CRHR1: variants seen among roughly 807,000 people sequenced by gnomAD.
CRHR1 encodes corticotropin-releasing hormone receptor 1.
CRHR1 carries 28 observed loss-of-function variants against 56.0 expected under a neutral mutation model. The observed-to-expected ratio is 0.50, with a 90% confidence interval of 0.37 to 0.69. CRHR1 has a LOEUF of 0.69. Ranked by LOEUF, CRHR1 falls within the 30% of genes least tolerant of loss-of-function variation. The pLI is 0.00. For missense variants in CRHR1, 376 were observed against 548.0 expected (o/e 0.69, Z 3.13); for synonymous variants, 195 against 216.5 (o/e 0.90, Z 0.87).
rs1252219531 is a variant in CRHR1 at position 45,833,787 on chromosome 17, G to A, written c.1003G>A (p.Gly335Arg). The change falls in exon 11 of 13, where the codon GGG becomes AGG. Residue 335 changes from glycine to arginine, a missense_variant. Gly to Arg is a moderately radical substitution (Grantham distance 125). Transcript: ENST00000314537. ...CTACATGCTGTTCTTCGTCAATCCC[G>A]GGGAGGATGAGGTCTCCCGGGTCGT... ...ITYMLFFVNP[G>R]EDEVSRVVFI... The A allele has an allele frequency of 9.4e-6, 15 of 1,598,434 alleles. No homozygotes were observed. Among genetic ancestry groups the A allele is most frequent in the East Asian group, 4.6e-5 (2 of 43,662 alleles).
intron 2 of CRHR1, among the ~76,000 whole-genome samples, chr17:45,810,576 C>T (rs772846422): frequency 2.6e-5 from 4 of 152,098 alleles, no homozygotes; most frequent in Admixed American, 6.5e-5. Flanking sequence ...GCCCAGGGCC[C>T]GGTGTAGTCA....
intron 1 of CRHR1, among the ~76,000 whole-genome samples, chr17:45,791,307 C>T (rs1435448510): frequency 6.6e-6 from 1 of 152,146 alleles, no homozygotes. Context: ...AGTCCAGGGC[C>T]ATCTGAGGCA....
intron 4 of CRHR1, chr17:45,827,857 A>T (rs1598442161): frequency 6.6e-6 from 1 of 152,290 alleles, no homozygotes; most frequent in African/African-American, 2.4e-5. Context: ...GGGTTCTGTA[A>T]TTCCAACAGG....
chr17:45,822,427 A>G (rs2062061729), intron 4 of CRHR1, among the ~76,000 whole-genome samples: 1 of 152,228 alleles, frequency 6.6e-6, no homozygotes, highest in Admixed American at 6.5e-5. Flanking sequence ...GTGCTGAGGA[A>G]GACGGGGGTC....
At chr17:45,833,379 T>G in intron 9 of CRHR1, 73 bp from the exon 10 acceptor site, 1 of 1,534,524 alleles carries the variant, frequency 6.5e-7, no homozygotes, top group Non-Finnish European at 9.0e-7. Context: ...GCAGGGGCAC[T>G]GAGGCCAGAG....
intron 1 of CRHR1, among the ~76,000 whole-genome samples, chr17:45,802,663 C>T (rs926980237): frequency 3.9e-5 from 6 of 152,174 alleles, no homozygotes; most frequent in African/African-American, 1.2e-4. Flanking sequence ...TTTTAAGAAG[C>T]ATTTTTCTTT....
At chr17:45,812,212 A>G (rs2061837175) in intron 2 of CRHR1, among the ~76,000 whole-genome samples, 1 of 152,254 alleles carries the variant, frequency 6.6e-6, no homozygotes, top group Non-Finnish European at 1.5e-5. Context: ...TAATTTCAAG[A>G]AAAAAGTCTG....
chr17:45,810,055 G>A (rs1480214192), intron 2 of CRHR1, among the ~76,000 whole-genome samples: 2 of 152,126 alleles, frequency 1.3e-5, no homozygotes, highest in East Asian at 1.9e-4. Flanking sequence ...CGAGGCGGTC[G>A]GATCACTTGA....
intron 2 of CRHR1, among the ~76,000 whole-genome samples, chr17:45,811,394 C>G (rs1420544288): frequency 6.6e-6 from 1 of 152,226 alleles, no homozygotes; most frequent in Non-Finnish European, 1.5e-5. Flanking sequence ...GCAGTCTGAC[C>G]AGAATGCGGG....
intron 1 of CRHR1, among the ~76,000 whole-genome samples, chr17:45,791,120 A>G (rs1350948400): frequency 6.7e-6 from 1 of 149,614 alleles, no homozygotes; most frequent in African/African-American, 2.5e-5. Flanking sequence ...TGAAGGGCTC[A>G]TTTCTAGAAA....
At chr17:45,806,821 C>T (rs540735233) in intron 1 of CRHR1, among the ~76,000 whole-genome samples, 189 bp from the exon 2 acceptor site, 60 of 152,092 alleles carry the variant, frequency 3.9e-4, no homozygotes, top group African/African-American at 1.4e-3. Context: ...ACCCTCCAGG[C>T]AGAGAGGACC....
At chr17:45,804,089 C>A (rs2061676962) in intron 1 of CRHR1, among the ~76,000 whole-genome samples, 1 of 152,218 alleles carries the variant, frequency 6.6e-6, no homozygotes, top group Non-Finnish European at 1.5e-5. Flanking sequence ...ATTTCTCCAT[C>A]TCTCTGGAGA....
chr17:45,817,112 G>C (rs1310415147), intron 3 of CRHR1, among the ~76,000 whole-genome samples: 1 of 147,354 alleles, frequency 6.8e-6, no homozygotes, highest in Non-Finnish European at 1.5e-5. Context: ...TTTGTAGGTG[G>C]AGTGGGGCAG....
At chr17:45,808,326 C>G (rs1032594390) in intron 2 of CRHR1, among the ~76,000 whole-genome samples, 2 of 152,196 alleles carry the variant, frequency 1.3e-5, no homozygotes. Context: ...GCTTCCTGGC[C>G]AGCTGTTCCT....
intron 2 of CRHR1, among the ~76,000 whole-genome samples, chr17:45,809,267 T>G (rs2061775081): frequency 6.6e-6 from 1 of 152,132 alleles, no homozygotes; most frequent in Non-Finnish European, 1.5e-5. Context: ...TAAGCTGTGC[T>G]TGGGGAATGG....
At chr17:45,800,981 A>C (rs2061611080) in intron 1 of CRHR1, among the ~76,000 whole-genome samples, 1 of 152,214 alleles carries the variant, frequency 6.6e-6, no homozygotes, top group South Asian at 2.1e-4. Flanking sequence ...CTTAAAGACC[A>C]AACTGAGCTT....
At chr17:45,801,922 G>A (rs369601432) in intron 1 of CRHR1, among the ~76,000 whole-genome samples, 1 of 152,066 alleles carries the variant, frequency 6.6e-6, no homozygotes, top group Non-Finnish European at 1.5e-5. Context: ...AACCCTCCCC[G>A]GGAAAATGGT....
chr17:45,820,433 T>C (rs987901596), intron 3 of CRHR1, among the ~76,000 whole-genome samples: 10 of 152,102 alleles, frequency 6.6e-5, no homozygotes, highest in African/African-American at 2.4e-4. Context: ...GGGGAACACG[T>C]TGGGCAGCTC....
At chr17:45,799,107 G>T (rs1459694105) in intron 1 of CRHR1, among the ~76,000 whole-genome samples, 1 of 152,214 alleles carries the variant, frequency 6.6e-6, no homozygotes, top group Non-Finnish European at 1.5e-5. Flanking sequence ...TGTCCTCTGT[G>T]CCTAGTCTAG....
Sources: allele counts gnomAD v4.1 joint callset (sites outside exome capture counted in the v4.1 genomes callset), GRCh38; gene constraint gnomAD v4.1.1; transcripts MANE v1.5; gene names NCBI Gene and HGNC (gene_info 2026-07-23, HGNC 2026-07-21).